Variants in FAM135B observed in about 807,000 individuals in gnomAD.
FAM135B encodes the protein protein FAM135B.
Under a neutral mutation model 127.7 loss-of-function variants are expected in FAM135B, and 43 were observed. The observed-to-expected ratio is 0.34, with a 90% confidence interval of 0.26 to 0.43. The LOEUF (loss-of-function observed/expected upper bound fraction) is 0.43, where lower values mean the gene tolerates loss of function less well. Among genes scored for constraint, FAM135B ranks in the 20% least tolerant of loss-of-function variants. FAM135B has a pLI of 1.00. For missense variants in FAM135B, 1,558 were observed against 1,725.6 expected (o/e 0.90, Z 1.72); for synonymous variants, 670 against 665.1 (o/e 1.01, Z -0.11).
chr8:138,413,134 G>A (rs1833954107), intron 1 of FAM135B, among the ~76,000 whole-genome samples: 1 of 152,006 alleles, frequency 6.6e-6, no homozygotes, highest in African/African-American at 2.4e-5. Context: ...CTTCATGAGA[G>A]AAGATAACAA....
At position 138,132,792 on chromosome 8, in the gene FAM135B, A is replaced by T. The variant is rs2130490486; in HGVS notation, c.4022T>A (p.Val1341Asp). 1 of 1,613,996 alleles carries T rather than the reference A, an allele frequency of 6.2e-7. No homozygotes were observed. The highest frequency in any genetic ancestry group is 8.5e-7 in the Non-Finnish European group (1 of 1,179,876). ...GAGGTTGTTGATCATTTCTGCATAAACTGGCCCTGTAAAGTGGGGAAGAAG... is the reference window on the plus strand; with the variant it reads ...GAGGTTGTTGATCATTTCTGCATAATCTGGCCCTGTAAAGTGGGGAAGAAG... ...TALKDRHTGP[V>D]YAEMINNLLG... The change falls in exon 20 of 20, where the codon GTT becomes GAT. Residue 1341 changes from valine to aspartate, a missense_variant. Physicochemically the swap from Val to Asp is radical, Grantham distance 152. This residue lies in a region of FAM135B where 194 missense variants were observed against 333.8 expected (regional missense o/e 0.58). Transcript: ENST00000395297. This position sits in a 1 kb window ranked among gnomAD's most constrained non-coding sequence, Gnocchi z 4.5.
At chr8:138,323,289 C>G (rs1206656714) in intron 2 of FAM135B, among the ~76,000 whole-genome samples, 5 of 152,176 alleles carry the variant, frequency 3.3e-5, no homozygotes, top group Non-Finnish European at 7.3e-5. Context: ...CCTTACAAAG[C>G]AAAGCCAGGT....
chr8:138,223,464 T>C (rs906446016), intron 7 of FAM135B, among the ~76,000 whole-genome samples: 3 of 152,130 alleles, frequency 2.0e-5, no homozygotes, highest in African/African-American at 4.8e-5. Flanking sequence ...GGGAAGTAGA[T>C]TAGGACTTTG....
intron 8 of FAM135B, 133 bp downstream of exon 8, chr8:138,197,383 T>C (rs931497765): frequency 9.2e-7 from 1 of 1,081,786 alleles, no homozygotes; most frequent in African/African-American, 1.6e-5. Flanking sequence ...ATAATAAAAA[T>C]CACAGCCCAA....
At chr8:138,235,771 T>C (rs181096665) in intron 7 of FAM135B, among the ~76,000 whole-genome samples, 4 of 152,172 alleles carry the variant, frequency 2.6e-5, no homozygotes, top group Non-Finnish European at 5.9e-5. Context: ...TCTTGTCCAG[T>C]GTGAGCATTA....
At chr8:138,407,763 T>C (rs1275552422) in intron 1 of FAM135B, among the ~76,000 whole-genome samples, 1 of 152,120 alleles carries the variant, frequency 6.6e-6, no homozygotes, top group African/African-American at 2.4e-5. Flanking sequence ...TAATTCAAGA[T>C]GGATTAAAGA....
intron 4 of FAM135B, among the ~76,000 whole-genome samples, chr8:138,261,350 C>A (rs563644392): frequency 2.8e-4 from 42 of 152,266 alleles, no homozygotes; most frequent in African/African-American, 9.4e-4. Context: ...CATATGTAAT[C>A]TTTTCCTCTT....
At chr8:138,172,958 G>A (rs1820592045) in intron 11 of FAM135B, among the ~76,000 whole-genome samples, 1 of 152,136 alleles carries the variant, frequency 6.6e-6, no homozygotes, top group African/African-American at 2.4e-5. Flanking sequence ...GCCTGCATAG[G>A]TCGGCCTTGC....
intron 2 of FAM135B, among the ~76,000 whole-genome samples, chr8:138,337,195 C>T (rs1259623584): frequency 7.9e-5 from 12 of 151,656 alleles, no homozygotes; most frequent in African/African-American, 2.9e-4. Flanking sequence ...TGAAAACTGG[C>T]ACAAGACAGG....
intron 3 of FAM135B, among the ~76,000 whole-genome samples, chr8:138,279,516 T>A (rs60703577): frequency 0.023 from 3,466 of 152,346 alleles, 92 homozygotes; most frequent in East Asian, 0.085. Flanking sequence ...ACTTATAAGC[T>A]GCACAGGCTC....
chr8:138,439,493 C>T (rs903466922), intron 1 of FAM135B: 2 of 152,354 alleles, frequency 1.3e-5, no homozygotes, highest in Middle Eastern at 3.4e-3. Context: ...AGGCCGACCT[C>T]ATAACATCAG....
At chr8:138,217,673 C>T (rs901261663) in intron 7 of FAM135B, among the ~76,000 whole-genome samples, 4 of 152,134 alleles carry the variant, frequency 2.6e-5, no homozygotes, top group South Asian at 2.1e-4. Flanking sequence ...CCTTGTGATC[C>T]GCTCGCCTCA....
chr8:138,167,805 C>G, intron 12 of FAM135B, 90 bp downstream of exon 12: 3 of 1,429,248 alleles, frequency 2.1e-6, no homozygotes, highest in Non-Finnish European at 2.8e-6. Context: ...TTTGGTCTCA[C>G]TTTTGCTGGA....
chr8:138,390,294 C>T (rs556463551), intron 1 of FAM135B, among the ~76,000 whole-genome samples: 2 of 152,058 alleles, frequency 1.3e-5, no homozygotes, highest in Non-Finnish European at 2.9e-5. Context: ...ATCATAGGGG[C>T]GGTTTCCCCC....
At position 138,364,910 on chromosome 8, in the gene FAM135B, C is replaced by T. The variant is rs1011685187; in HGVS notation, c.77+2997G>A. On this transcript the variant is annotated intron_variant, in intron 2 of 19. Transcript: ENST00000395297. ...TCACCCAGGCTAGAGTGCAGTAGCA[C>T]AATCTCAGCTCACTACAACCTCCAC... Among the ~76,000 whole-genome samples, 23 of 152,182 alleles carry T rather than the reference C, an allele frequency of 1.5e-4. 1 individual carries two copies. Among genetic ancestry groups the T allele is most frequent in the Admixed American group, 1.2e-3 (19 of 15,280 alleles).
chr8:138,396,521 C>T (rs1005902025), intron 1 of FAM135B, among the ~76,000 whole-genome samples: 61 of 152,154 alleles, frequency 4.0e-4, no homozygotes, highest in African/African-American at 1.3e-3. Flanking sequence ...CATCTGTGAG[C>T]GAATGCCTGA....
chr8:138,341,956 G>A (rs1016090237), intron 2 of FAM135B, among the ~76,000 whole-genome samples: 5 of 152,020 alleles, frequency 3.3e-5, no homozygotes, highest in Non-Finnish European at 5.9e-5. Flanking sequence ...TTAGGTGCAG[G>A]GAGTAAAAGT....
chr8:138,495,775 C>T, intron 1 of FAM135B, among the ~76,000 whole-genome samples: 1 of 152,214 alleles, frequency 6.6e-6, no homozygotes, highest in East Asian at 1.9e-4. Context: ...GTATGGACAG[C>T]CCAGGTGCCT....
At chr8:138,369,671 G>A (rs1830992350) in intron 1 of FAM135B, among the ~76,000 whole-genome samples, 1 of 152,126 alleles carries the variant, frequency 6.6e-6, no homozygotes, top group South Asian at 2.1e-4. Context: ...ACACACCCGA[G>A]CCAGTCAAGG....
Sources: gnomAD v4.1 joint callset for allele counts (sites outside exome capture counted in the v4.1 genomes callset) on GRCh38, gnomAD v4.1.1 for gene constraint, gnomAD v4.1.1 regional missense constraint, Gnocchi (gnomAD v3.1) non-coding constraint, MANE v1.5 for transcripts, NCBI Gene and HGNC (gene_info 2026-07-23, HGNC 2026-07-21) for gene names.